The following MBTD1 variants were observed in gnomAD, a reference collection of about 807,000 sequenced individuals.
MBTD1 encodes MBT domain-containing protein 1.
A neutral mutation model predicts 87.8 loss-of-function variants in MBTD1; 24 were observed. The ratio of observed to expected loss-of-function variants is 0.27; its 90% CI spans 0.20 to 0.38. MBTD1 has a LOEUF of 0.38. Among genes scored for constraint, MBTD1 ranks in the 10% least tolerant of loss-of-function variants. The probability of loss-of-function intolerance (pLI) is 1.00; values close to 1 mark genes in which losing one functional copy is unlikely to be tolerated. For synonymous variants in MBTD1, 237 were observed against 248.6 expected (o/e 0.95, Z 0.44); for missense variants, 436 against 760.2 (o/e 0.57, Z 5.02).
chr17:51,193,627 A>T, intron 13 of MBTD1, 117 bp from the exon 14 acceptor site: 3 of 649,970 alleles, frequency 4.6e-6, no homozygotes, highest in Non-Finnish European at 5.5e-6. Flanking sequence ...GATCAACTTT[A>T]TTTTTTTTGA....
At chr17:51,190,756 T>TAC (rs2050766141) in intron 16 of MBTD1, among the ~76,000 whole-genome samples, 1 of 111,220 alleles carries the variant, frequency 9.0e-6, no homozygotes, top group Admixed American at 9.8e-5. Flanking sequence ...AAAAAATATA[T>TAC]ATATATATAT....
intron 6 of MBTD1, among the ~76,000 whole-genome samples, chr17:51,210,537 C>A (rs2052123143): frequency 6.6e-6 from 1 of 151,944 alleles, no homozygotes; most frequent in South Asian, 2.1e-4. Context: ...AGGTGGATCA[C>A]CTGAGGTCAG....
intron 2 of MBTD1, chr17:51,250,171 C>A (rs1420322018): frequency 1.3e-5 from 2 of 151,620 alleles, no homozygotes; most frequent in African/African-American, 4.9e-5. Context: ...TCCCAAAGTG[C>A]TGGGATTACA....
intron 3 of MBTD1, among the ~76,000 whole-genome samples, chr17:51,223,662 C>T (rs1729324716): frequency 6.6e-6 from 1 of 152,016 alleles, no homozygotes; most frequent in South Asian, 2.1e-4. Context: ...ATGGTGAAAC[C>T]CTATCTTTAC....
At chr17:51,225,441 T>G (rs1480651113) in intron 2 of MBTD1, among the ~76,000 whole-genome samples, 1 of 151,202 alleles carries the variant, frequency 6.6e-6, no homozygotes, top group Admixed American at 6.6e-5. Context: ...AACCTCCACC[T>G]CCCGCACTCA....
intron 2 of MBTD1, 96 bp downstream of exon 2, chr17:51,259,047 G>C: frequency 2.5e-6 from 1 of 397,982 alleles, no homozygotes; most frequent in East Asian, 3.6e-5. Context: ...ATAAGGGTAG[G>C]CAGACAACAA....
At chr17:51,243,960 G>C (rs1456766965) in intron 2 of MBTD1, among the ~76,000 whole-genome samples, 2 of 152,158 alleles carry the variant, frequency 1.3e-5, no homozygotes, top group Non-Finnish European at 2.9e-5. Flanking sequence ...TTTGTCCTCA[G>C]GAAATTGTAA....
Position 51,206,992 on chromosome 17 carries a change from G to A in MBTD1, c.500C>T (p.Thr167Ile), listed in dbSNP as rs1382051743. ...ATTTTCTGAGATATCACCCCAGCAGGTCCCCATAGGTGCCTGTCACATAAA... is the reference window on the plus strand; with the variant it reads ...ATTTTCTGAGATATCACCCCAGCAGATCCCCATAGGTGCCTGTCACATAAA... The part of the protein sequence containing the change: ...VTCFKHAPMG[T>I]CWGDISENVR... Residue 167 changes from threonine to isoleucine, a missense_variant, in exon 7 of 17, where the codon ACC (threonine) becomes ATC (isoleucine). Coordinates refer to ENST00000586178, the MANE Select transcript of MBTD1 (RefSeq NM_017643.3). The A allele has an allele frequency of 6.3e-7, 1 of 1,596,190 alleles. No homozygotes were observed. Among genetic ancestry groups the A allele is most frequent in the Non-Finnish European group, 8.6e-7 (1 of 1,164,090 alleles).
At chr17:51,186,578 C>T (rs960757845) in intron 16 of MBTD1, among the ~76,000 whole-genome samples, 6 of 152,052 alleles carry the variant, frequency 3.9e-5, no homozygotes, top group African/African-American at 1.4e-4. Flanking sequence ...AGATTGAGAC[C>T]ATCCTGGCTA....
chr17:51,243,435 TAG>T (rs1286870333), intron 2 of MBTD1, among the ~76,000 whole-genome samples: 22 of 152,300 alleles, frequency 1.4e-4, no homozygotes, highest in African/African-American at 5.3e-4. Flanking sequence ...TCTAAACACA[TAG>T]ATTTTCTGAA....
At chr17:51,243,946 T>A (rs574319139) in intron 2 of MBTD1, among the ~76,000 whole-genome samples, 1 of 152,366 alleles carries the variant, frequency 6.6e-6, no homozygotes, top group African/African-American at 2.4e-5. Context: ...CCCATAATAT[T>A]ACATTTGTCC....
At chr17:51,181,304 C>T (rs575105779) in intron 16 of MBTD1, among the ~76,000 whole-genome samples, 1 of 152,116 alleles carries the variant, frequency 6.6e-6, no homozygotes, top group African/African-American at 2.4e-5. Context: ...GGATGACAGG[C>T]GTGAGCCACC....
At chr17:51,258,515 AAAG>A (rs60354014) in intron 2 of MBTD1, among the ~76,000 whole-genome samples, 75,384 of 148,300 alleles carry the variant, frequency 0.51, 19,092 homozygotes, top group South Asian at 0.65. Flanking sequence ...TAAAAAAAAA[AAAG>A]AAGGAGTAAA....
chr17:51,229,869 C>G (rs1021011488), intron 2 of MBTD1, among the ~76,000 whole-genome samples: 4 of 152,036 alleles, frequency 2.6e-5, no homozygotes. Flanking sequence ...ACCTCGTTAA[C>G]CAGGATGGTC....
At chr17:51,258,647 C>T (rs2055241250) in intron 2 of MBTD1, among the ~76,000 whole-genome samples, 1 of 152,162 alleles carries the variant, frequency 6.6e-6, no homozygotes, top group African/African-American at 2.4e-5. Flanking sequence ...CTAACCACTT[C>T]AGTTTTAGAC....
At chr17:51,207,801 C>A (rs898470276) in intron 6 of MBTD1, among the ~76,000 whole-genome samples, 7 of 152,076 alleles carry the variant, frequency 4.6e-5, no homozygotes, top group Non-Finnish European at 1.0e-4. Context: ...AAACTCAAGG[C>A]AATTCACAAT....
intron 2 of MBTD1, among the ~76,000 whole-genome samples, chr17:51,252,853 G>C (rs2054871931): frequency 6.6e-6 from 1 of 151,776 alleles, no homozygotes; most frequent in Non-Finnish European, 1.5e-5. Context: ...TTTATATTTG[G>C]GTGTATGTTC....
chr17:51,196,492 CT>C (rs1223275059), intron 12 of MBTD1, among the ~76,000 whole-genome samples: 2 of 151,982 alleles, frequency 1.3e-5, no homozygotes, highest in African/African-American at 4.8e-5. Flanking sequence ...GCTGCCCCCC[CT>C]TTTTAAAACT....
At chr17:51,249,449 A>G (rs1387756232) in intron 2 of MBTD1, 6 of 152,156 alleles carry the variant, frequency 3.9e-5, no homozygotes, top group African/African-American at 1.4e-4. Flanking sequence ...TATGTGGTAC[A>G]TATTTAACTG....
Sources: allele counts gnomAD v4.1 joint callset (sites outside exome capture counted in the v4.1 genomes callset), GRCh38; gene constraint gnomAD v4.1.1; transcripts MANE v1.5; gene names NCBI Gene and HGNC (gene_info 2026-07-23, HGNC 2026-07-21).